Variants in PDE4D observed in about 807,000 individuals in gnomAD.
PDE4D encodes phosphodiesterase 4D, also known as 3',5'-cyclic-AMP phosphodiesterase 4D.
PDE4D carries 24 observed loss-of-function variants against 87.4 expected under a neutral mutation model. The observed-to-expected ratio is 0.27, with a 90% CI of 0.20 to 0.39. PDE4D has a LOEUF of 0.39. Among genes scored for constraint, PDE4D ranks in the 10% least tolerant of loss-of-function variants. PDE4D has a pLI of 1.00. For synonymous variants in PDE4D, 384 were observed against 383.2 expected (o/e 1.00, Z -0.02); for missense variants, 714 against 1,041.0 (o/e 0.69, Z 4.32).
chr5:58,973,916 C>A lies in PDE4D; in HGVS notation c.*748G>T, dbSNP rs187460970. 7.1e-4 allele frequency: 109 copies of A among 152,622 alleles called. No homozygotes were observed. The Middle Eastern group carries it at 0.02, about 29-fold the overall frequency. The allele number at this position is 152,622 out of a possible 1,614,324, so 9.5% of individuals were successfully genotyped here. On this transcript the variant is annotated 3_prime_UTR_variant, in exon 15 of 15. Transcript: ENST00000340635. ...GTTAATTGCTATGAACTATAAGGTG[C>A]AAGTAAAATTCATAAATTAGATTTT...
intron 2 of PDE4D, among the ~76,000 whole-genome samples, chr5:60,102,911 C>T (rs1175242554): frequency 6.6e-6 from 1 of 151,802 alleles, no homozygotes; most frequent in African/African-American, 2.4e-5. Flanking sequence ...GGAACCTGTC[C>T]TCACACTAAA....
chr5:60,501,680 A>C (rs917502667), intron 1 of PDE4D, among the ~76,000 whole-genome samples: 8 of 151,470 alleles, frequency 5.3e-5, no homozygotes, highest in Admixed American at 1.3e-4. Context: ...CTGACTTTTT[A>C]ATGATCGCCA....
chr5:59,661,671 T>C (rs772607650), intron 1 of PDE4D, among the ~76,000 whole-genome samples: 1 of 152,186 alleles, frequency 6.6e-6, no homozygotes, highest in South Asian at 2.1e-4. Context: ...CTTAGACAGA[T>C]TCTAGAAAAA....
chr5:59,939,784 C>T (rs1390036225), intron 3 of PDE4D, among the ~76,000 whole-genome samples: 1 of 152,022 alleles, frequency 6.6e-6, no homozygotes, highest in Non-Finnish European at 1.5e-5. Context: ...CCTTGTAGGC[C>T]AACCTAAGGA....
intron 1 of PDE4D, among the ~76,000 whole-genome samples, chr5:59,261,453 T>G (rs1761994990): frequency 6.6e-6 from 1 of 151,854 alleles, no homozygotes; most frequent in Admixed American, 6.6e-5. Flanking sequence ...AAGAAAAAGT[T>G]TATTTCTCTT....
chr5:59,262,277 T>C (rs1762130589), intron 1 of PDE4D, among the ~76,000 whole-genome samples: 1 of 151,950 alleles, frequency 6.6e-6, no homozygotes, highest in East Asian at 1.9e-4. Flanking sequence ...AAATGCACCT[T>C]TACTTTTGTA....
chr5:59,577,033 T>A (rs1033795967), intron 1 of PDE4D, among the ~76,000 whole-genome samples: 1 of 152,088 alleles, frequency 6.6e-6, no homozygotes, highest in African/African-American at 2.4e-5. Context: ...ACGCCAATTA[T>A]TTGTTTTAAA....
intron 1 of PDE4D, among the ~76,000 whole-genome samples, chr5:59,605,546 G>A (rs190406877): frequency 6.0e-4 from 91 of 152,104 alleles, no homozygotes; most frequent in Admixed American, 4.2e-3. Flanking sequence ...AGAAAGCACC[G>A]TTATTATAGG....
intron 1 of PDE4D, among the ~76,000 whole-genome samples, chr5:59,565,024 G>T (rs1000850505): frequency 6.6e-6 from 1 of 152,162 alleles, no homozygotes; most frequent in Non-Finnish European, 1.5e-5. Flanking sequence ...GAAGCAGAAT[G>T]ATATCTTTAA....
intron 1 of PDE4D, among the ~76,000 whole-genome samples, chr5:60,193,532 A>T (rs1052565553): frequency 6.6e-6 from 1 of 151,352 alleles, no homozygotes; most frequent in Non-Finnish European, 1.5e-5. Context: ...TAGCCGGGCG[A>T]GGTGGCGGGC....
intron 1 of PDE4D, among the ~76,000 whole-genome samples, chr5:59,400,652 G>A (rs1220335931): frequency 2.0e-5 from 3 of 151,158 alleles, no homozygotes; most frequent in African/African-American, 7.3e-5. Flanking sequence ...GTTAGTGGGT[G>A]CAGCACACCA....
At chr5:60,276,329 T>C in intron 1 of PDE4D, among the ~76,000 whole-genome samples, 1 of 152,236 alleles carries the variant, frequency 6.6e-6, no homozygotes, top group Non-Finnish European at 1.5e-5. Context: ...CATTTAAGAT[T>C]GCTAAATTTT....
chr5:59,497,037 A>G (rs557494344), intron 1 of PDE4D, among the ~76,000 whole-genome samples: 27 of 152,312 alleles, frequency 1.8e-4, no homozygotes, highest in Non-Finnish European at 2.1e-4. Flanking sequence ...GCAACGTCTC[A>G]GCCACCGCAC....
chr5:59,725,175 C>T (rs1168870149), intron 1 of PDE4D, among the ~76,000 whole-genome samples: 1 of 152,040 alleles, frequency 6.6e-6, no homozygotes, highest in East Asian at 1.9e-4. Flanking sequence ...GGGATAAATA[C>T]CCACTTGTAC....
intron 1 of PDE4D, among the ~76,000 whole-genome samples, chr5:60,502,931 T>A (rs920192724): frequency 3.3e-5 from 5 of 152,168 alleles, no homozygotes; most frequent in Non-Finnish European, 7.4e-5. Flanking sequence ...TATTCAGCAT[T>A]ATAGACAATA....
rs111783012 is a variant in PDE4D at position 59,742,823 on chromosome 5, C to A, written c.455+150345G>T. ...GCCTCCCACATTGCTGGAAACATTT[C>A]TTTATATTTACTCTTCCCCCAAAAA... On this transcript the variant is annotated intron_variant, in intron 1 of 14. Coordinates refer to ENST00000340635, the MANE Select transcript of PDE4D (RefSeq NM_001104631.2). Among the ~76,000 whole-genome samples the A allele has an allele frequency of 4.0e-3, 616 of 152,230 alleles. 7 individuals carry two copies. Among genetic ancestry groups the A allele is most frequent in the African/African-American group, 0.014 (585 of 41,566 alleles).
intron 1 of PDE4D, among the ~76,000 whole-genome samples, chr5:60,369,793 AG>A (rs1760862756): frequency 6.6e-6 from 1 of 152,200 alleles, no homozygotes; most frequent in African/African-American, 2.4e-5. Context: ...TGGGGTCTGC[AG>A]GAACAAAGCT....
rs1475593955 is a variant in PDE4D, at chr5:60,054,373, C to T, written c.43-65656G>A. ...AGCCATAAAAAGGATGAGTTCATGT[C>T]CTTTGCAGGGACATGGATGAAGCTG... On this transcript the variant is annotated intron_variant, in intron 2 of 16. Coordinates refer to the PDE4D transcript ENST00000502484. 3.9e-5 allele frequency among the ~76,000 whole-genome samples: 6 copies of T among 152,098 alleles called. No homozygotes were observed. The South Asian group carries it at 1.0e-3, about 26-fold the overall frequency.
At chr5:59,174,836 A>G (rs936876719) in intron 5 of PDE4D, among the ~76,000 whole-genome samples, 9 of 152,116 alleles carry the variant, frequency 5.9e-5, no homozygotes, top group African/African-American at 2.2e-4. Flanking sequence ...ACTAAGCAGC[A>G]CCCTCTCTCA....
Sources: allele counts gnomAD v4.1 joint callset (sites outside exome capture counted in the v4.1 genomes callset), GRCh38; gene constraint gnomAD v4.1.1; transcripts MANE v1.5; gene names NCBI Gene and HGNC (gene_info 2026-07-23, HGNC 2026-07-21).